Variants in DPEP1 observed in about 807,000 individuals in gnomAD.
DPEP1 encodes the protein dipeptidase 1, also known as beta-lactamase.
Under a neutral mutation model 42.3 loss-of-function variants are expected in DPEP1, and 50 were observed. The observed-to-expected ratio is 1.18, with a 90% CI of 0.94 to 1.50. The LOEUF (loss-of-function observed/expected upper bound fraction) is 1.50, where lower values mean the gene tolerates loss of function less well. Ranked by LOEUF, DPEP1 falls within the 40% of genes most tolerant of loss-of-function variation. The pLI is 0.00. For missense variants in DPEP1, 663 were observed against 553.0 expected (o/e 1.20, Z -1.99); for synonymous variants, 297 against 234.0 (o/e 1.27, Z -2.46).
chr16:89,635,910 A>T lies in DPEP1; in HGVS notation c.107A>T (p.His36Leu). 6.3e-7 allele frequency: 1 copy of T among 1,599,502 alleles called. No individual in the cohort carries two copies. Among genetic ancestry groups the T allele is most frequent in the East Asian group, 2.2e-5 (1 of 44,784 alleles). Residue 36 changes from histidine to leucine, a missense_variant and splice_region_variant, in exon 3 of 11, where the codon CAC becomes CTC. By Grantham distance (99) the His-to-Leu change is moderately conservative. Transcript: ENST00000690203. ...GGCCTCTCCCCGGCAAACTCCAGGC[A>T]CAATGACCTCCCCTGGCAGCTGCTG... ...IMRDSPVIDG[H>L]NDLPWQLLDM... is the part of the protein sequence containing the mutation.
At chr16:89,629,834 G>A (rs907370359) in intron 1 of DPEP1, among the ~76,000 whole-genome samples, 2 of 152,194 alleles carry the variant, frequency 1.3e-5, no homozygotes, top group African/African-American at 4.8e-5. Flanking sequence ...CAGGGCAGGC[G>A]CCAGGGGCAC....
chr16:89,614,684 A>G (rs1320932774), intron 1 of DPEP1, among the ~76,000 whole-genome samples: 2 of 152,134 alleles, frequency 1.3e-5, no homozygotes, highest in Non-Finnish European at 2.9e-5. Flanking sequence ...AGTCCCAGCT[A>G]CTCGGGAGGC....
chr16:89,623,793 C>T (rs1036343088), intron 1 of DPEP1, among the ~76,000 whole-genome samples: 3 of 152,120 alleles, frequency 2.0e-5, no homozygotes, highest in African/African-American at 7.2e-5. Flanking sequence ...AAACCCTGGC[C>T]AGACGGAGCT....
At chr16:89,614,439 G>A (rs1363183689) in intron 1 of DPEP1, among the ~76,000 whole-genome samples, 3 of 152,210 alleles carry the variant, frequency 2.0e-5, no homozygotes, top group African/African-American at 4.8e-5. Flanking sequence ...GCCCAGCTAA[G>A]AGCAGGGCCT....
At chr16:89,635,796 G>A (rs463938) in intron 2 of DPEP1, 112 bp from the exon 3 acceptor site, 554,900 of 1,393,578 alleles carry the variant, frequency 0.4, 119,605 homozygotes, top group Middle Eastern at 0.56. Context: ...TCAGTCCTGC[G>A]TCTGTCGTGA....
At chr16:89,621,411 C>G (rs1233327613) in intron 1 of DPEP1, among the ~76,000 whole-genome samples, 1 of 152,132 alleles carries the variant, frequency 6.6e-6, no homozygotes, top group Non-Finnish European at 1.5e-5. Flanking sequence ...TACGGCTGGG[C>G]CTGCAGATTG....
At chr16:89,614,798 AAAAAT>A (rs1200430041) in intron 1 of DPEP1, among the ~76,000 whole-genome samples, 5 of 152,136 alleles carry the variant, frequency 3.3e-5, no homozygotes, top group Non-Finnish European at 5.9e-5. Context: ...CCGTATCCAA[AAAAAT>A]AAAAGAAAAA....
chr16:89,616,587 C>A (rs1190725315), intron 1 of DPEP1, among the ~76,000 whole-genome samples: 1 of 152,222 alleles, frequency 6.6e-6, no homozygotes, highest in Non-Finnish European at 1.5e-5. Flanking sequence ...GGTTCTGGCA[C>A]TGGGACCTGC....
intron 1 of DPEP1, among the ~76,000 whole-genome samples, chr16:89,617,316 C>T (rs895551998): frequency 3.9e-5 from 6 of 152,108 alleles, no homozygotes; most frequent in Admixed American, 6.5e-5. Flanking sequence ...CACCAAGGCC[C>T]AGGGCCCTGA....
chr16:89,636,110 A>G (rs1260302300), intron 3 of DPEP1, 70 bp downstream of exon 3: 1 of 1,555,026 alleles, frequency 6.4e-7, no homozygotes, highest in East Asian at 2.3e-5. Context: ...GCCTGGCTAC[A>G]GTGGGACCAT....
intron 1 of DPEP1, among the ~76,000 whole-genome samples, chr16:89,629,282 CT>C (rs2059554576): frequency 6.6e-6 from 1 of 152,122 alleles, no homozygotes; most frequent in South Asian, 2.1e-4. Flanking sequence ...GGCAGGTTTG[CT>C]TGAGGCCAGG....
At position 89,637,464 on chromosome 16, in the gene DPEP1, G is replaced by A; in HGVS notation, c.769-4G>A. 1 of 1,612,824 alleles carries A rather than the reference G, an allele frequency of 6.2e-7. No homozygotes were observed. Among genetic ancestry groups the A allele is most frequent in the Non-Finnish European group, 8.5e-7 (1 of 1,179,974 alleles). On this transcript the variant is annotated splice_region_variant and splice_polypyrimidine_tract_variant and intron_variant, in intron 7 of 10. Coordinates refer to ENST00000690203, the MANE Select transcript of DPEP1 (RefSeq NM_001389466.1). Reference sequence around the variant, plus strand: ...AGCTTCACCCTGTCTTCCTTCTTGTGCAGAAACAGACAGACAGCCTGGTGA... The same window carrying A: ...AGCTTCACCCTGTCTTCCTTCTTGTACAGAAACAGACAGACAGCCTGGTGA...
At chr16:89,627,595 G>C (rs2059531173) in intron 1 of DPEP1, among the ~76,000 whole-genome samples, 1 of 151,414 alleles carries the variant, frequency 6.6e-6, no homozygotes. Context: ...AGAGGAAGGA[G>C]GGGAGGGGAG....
intron 1 of DPEP1, among the ~76,000 whole-genome samples, chr16:89,615,675 C>T (rs902044059): frequency 6.6e-6 from 1 of 152,214 alleles, no homozygotes; most frequent in African/African-American, 2.4e-5. Context: ...AGGACCCCGC[C>T]TTGCAGGACC....
chr16:89,616,157 C>T (rs948720620), intron 1 of DPEP1, among the ~76,000 whole-genome samples: 1 of 66,166 alleles, frequency 1.5e-5, no homozygotes, highest in Non-Finnish European at 3.0e-5. Context: ...CGTGGGGCTT[C>T]GGGGGCTGGG....
At chr16:89,636,820 C>T (rs546303657) in intron 5 of DPEP1, 46 bp from the exon 6 acceptor site, 72 of 1,609,280 alleles carry the variant, frequency 4.5e-5, no homozygotes, top group South Asian at 2.9e-4. Context: ...GATGGGAGGC[C>T]GAGACCACCG....
At chr16:89,636,704 G>T in intron 5 of DPEP1, 21 bp downstream of exon 5, 1 of 1,611,148 alleles carries the variant, frequency 6.2e-7, no homozygotes, top group Non-Finnish European at 8.5e-7. Flanking sequence ...CCCCATGGGA[G>T]GCCCCCGGGC....
At chr16:89,627,540 A>C (rs1390184085) in intron 1 of DPEP1, among the ~76,000 whole-genome samples, 1 of 144,646 alleles carries the variant, frequency 6.9e-6, no homozygotes, top group Non-Finnish European at 1.5e-5. Context: ...GTGCCACCGC[A>C]CTCCAGCCTG....
At chr16:89,637,586 G>C (rs949571499) in intron 8 of DPEP1, 34 bp downstream of exon 8, 7 of 1,612,818 alleles carry the variant, frequency 4.3e-6, no homozygotes, top group African/African-American at 1.3e-5. Flanking sequence ...GGGGGCCGAA[G>C]GGGGAGGGCC....
Sources: gnomAD v4.1 joint callset for allele counts (sites outside exome capture counted in the v4.1 genomes callset) on GRCh38, gnomAD v4.1.1 for gene constraint, MANE v1.5 for transcripts, NCBI Gene and HGNC (gene_info 2026-07-23, HGNC 2026-07-21) for gene names.